NIBAN1: variants seen among roughly 807,000 people sequenced by gnomAD.
The protein encoded by NIBAN1 is protein Niban 1.
Under a neutral mutation model 75.1 loss-of-function variants are expected in NIBAN1, and 81 were observed. The observed-to-expected ratio is 1.08, with a 90% CI of 0.90 to 1.30. The LOEUF (loss-of-function observed/expected upper bound fraction) is 1.30. Ranked by LOEUF, NIBAN1 falls within the 50% of genes most tolerant of loss-of-function variation. The probability of loss-of-function intolerance (pLI) is 0.00; values close to 1 mark genes in which losing one functional copy is unlikely to be tolerated. For synonymous variants in NIBAN1, 436 were observed against 424.8 expected, an observed-to-expected ratio of 1.03 and a Z score of -0.32; for missense variants, 1,133 against 1,128.1, an observed-to-expected ratio of 1.00 and a Z score of -0.06.
chr1:184,817,752 C>T (rs961356470), intron 9 of NIBAN1, among the ~76,000 whole-genome samples: 1 of 152,188 alleles, frequency 6.6e-6, no homozygotes, highest in East Asian at 1.9e-4. Flanking sequence ...AGAAGGACTC[C>T]TTTCTTATAT....
At chr1:184,929,945 G>A (rs1657779238) in intron 1 of NIBAN1, among the ~76,000 whole-genome samples, 1 of 152,200 alleles carries the variant, frequency 6.6e-6, no homozygotes, top group South Asian at 2.1e-4. Flanking sequence ...AGCCCTCTTA[G>A]ACAGTAACAA....
At chr1:184,796,394 T>A (rs1422006332) in intron 13 of NIBAN1, among the ~76,000 whole-genome samples, 2 of 152,216 alleles carry the variant, frequency 1.3e-5, no homozygotes, top group Non-Finnish European at 2.9e-5. Flanking sequence ...GGGTCTGCAG[T>A]AGTGTCACCT....
chr1:184,828,054 T>C (rs955253355), intron 6 of NIBAN1, among the ~76,000 whole-genome samples: 1 of 150,444 alleles, frequency 6.6e-6, no homozygotes, highest in African/African-American at 2.4e-5. Flanking sequence ...ATAATAAATA[T>C]ATCACATAGC....
chr1:184,934,248 T>C (rs1393297901), intron 1 of NIBAN1, among the ~76,000 whole-genome samples: 1 of 152,100 alleles, frequency 6.6e-6, no homozygotes, highest in Non-Finnish European at 1.5e-5. Context: ...TATTCTTACT[T>C]ATAAGTGGGA....
intron 1 of NIBAN1, among the ~76,000 whole-genome samples, chr1:184,944,340 A>G (rs935369849): frequency 3.1e-4 from 47 of 152,220 alleles, no homozygotes; most frequent in African/African-American, 1.1e-3. Context: ...CCACACTGCT[A>G]GAAGACAGAG....
At chr1:184,858,151 GA>G (rs1655726327) in intron 5 of NIBAN1, among the ~76,000 whole-genome samples, 1 of 151,868 alleles carries the variant, frequency 6.6e-6, no homozygotes. Context: ...CATGAGCAAT[GA>G]ATTTGAGAAA....
At chr1:184,972,213 A>G (rs1344456720) in intron 1 of NIBAN1, among the ~76,000 whole-genome samples, 1 of 152,236 alleles carries the variant, frequency 6.6e-6, no homozygotes, top group Non-Finnish European at 1.5e-5. Context: ...ACTGATGGCT[A>G]CTTTATGAGA....
At chr1:184,917,396 T>C (rs1657417648) in intron 1 of NIBAN1, among the ~76,000 whole-genome samples, 2 of 115,536 alleles carry the variant, frequency 1.7e-5, no homozygotes, top group Middle Eastern at 4.8e-3. Context: ...TTTTTTTTAG[T>C]AGAGACGGGG....
intron 1 of NIBAN1, among the ~76,000 whole-genome samples, chr1:184,942,153 A>G (rs1658105718): frequency 6.6e-6 from 1 of 152,280 alleles, no homozygotes; most frequent in African/African-American, 2.4e-5. Flanking sequence ...ATTGATCTGA[A>G]GAATAATTTC....
Position 184,806,030 on chromosome 1 carries a change from A to C in NIBAN1, c.1362T>G (p.Phe454Leu). 1 of 1,614,172 alleles carries C rather than the reference A, an allele frequency of 6.2e-7. No individual in the cohort carries two copies. Among genetic ancestry groups the C allele is most frequent in the East Asian group, 2.2e-5 (1 of 44,886 alleles). Residue 454 changes from phenylalanine (F) to leucine (L), a missense_variant, in exon 11 of 14, where the codon TTT becomes TTG. Physicochemically the swap from Phe to Leu is conservative, Grantham distance 22. Coordinates refer to ENST00000367511, the MANE Select transcript of NIBAN1 (RefSeq NM_052966.4). ...QELMENAVFT[F>L]EQLLSPHLQG... is the part of the protein sequence containing the mutation. Reference sequence around the variant, plus strand: ...GGAGATGTGGGGAAAGCAACTGCTCAAAAGTGAACACTGCATTCTCCATTA... The same window carrying C: ...GGAGATGTGGGGAAAGCAACTGCTCCAAAGTGAACACTGCATTCTCCATTA...
At chr1:184,908,360 C>T (rs1478731092) in intron 1 of NIBAN1, among the ~76,000 whole-genome samples, 1 of 152,126 alleles carries the variant, frequency 6.6e-6, no homozygotes, top group Non-Finnish European at 1.5e-5. Flanking sequence ...AAATTAAGGT[C>T]CCATTGGCAC....
chr1:184,868,006 G>A (rs1029808211), intron 5 of NIBAN1: 1 of 985,334 alleles, frequency 1.0e-6, no homozygotes, highest in Non-Finnish European at 1.2e-6. Flanking sequence ...AGAAGTCTCA[G>A]TTCCTTTCTT....
intron 5 of NIBAN1, among the ~76,000 whole-genome samples, chr1:184,839,408 C>T (rs1655221477): frequency 1.3e-5 from 2 of 151,770 alleles, no homozygotes; most frequent in African/African-American, 4.8e-5. Context: ...TATAGAGATA[C>T]CCTATATACA....
chr1:184,807,535 C>A (rs1654239239), intron 10 of NIBAN1, among the ~76,000 whole-genome samples: 1 of 152,140 alleles, frequency 6.6e-6, no homozygotes. Context: ...TGCCTGTAAT[C>A]CCAGCACTTT....
At chr1:184,811,513 G>GTTTTTTTGT (rs1553215647) in intron 9 of NIBAN1, among the ~76,000 whole-genome samples, 3 of 139,046 alleles carry the variant, frequency 2.2e-5, no homozygotes, top group African/African-American at 8.1e-5. Context: ...TTTTTTTTTT[G>GTTTTTTTGT]TTTTTTTTTT....
chr1:184,970,267 G>C (rs1658902347), intron 1 of NIBAN1, among the ~76,000 whole-genome samples: 1 of 151,714 alleles, frequency 6.6e-6, no homozygotes, highest in Admixed American at 6.6e-5. Context: ...TCTCATCATA[G>C]TATATTGCCA....
chr1:184,905,696 C>T (rs980473856), intron 1 of NIBAN1, among the ~76,000 whole-genome samples: 1 of 152,182 alleles, frequency 6.6e-6, no homozygotes, highest in Non-Finnish European at 1.5e-5. Flanking sequence ...GAAGCAATCA[C>T]ACCTTCTTTG....
Position 184,818,782 on chromosome 1 carries a change from C to T in NIBAN1, c.1029G>A (p.Val343=). The T allele has an allele frequency of 1.9e-6, 3 of 1,609,746 alleles. No individual in the cohort carries two copies. Among genetic ancestry groups the T allele is most frequent in the Non-Finnish European group, 2.5e-6 (3 of 1,176,912 alleles). ...QPAEKSCLES[V]QPFLASILEE... ...CCAGGATGGATGCCAGGAATGGCTGCACACTCTCCAAGCAGCTTTTCTCCG... is the reference window on the plus strand; with the variant it reads ...CCAGGATGGATGCCAGGAATGGCTGTACACTCTCCAAGCAGCTTTTCTCCG... Residue 343 remains valine (V), a synonymous_variant, in exon 9 of 14, where the codon GTG becomes GTA. Transcript: ENST00000367511.
intron 1 of NIBAN1, among the ~76,000 whole-genome samples, chr1:184,953,063 T>C (rs1290999652): frequency 6.6e-6 from 1 of 152,230 alleles, no homozygotes; most frequent in African/African-American, 2.4e-5. Context: ...TCTTTGACTT[T>C]AGGTTGCAGA....
Sources: gnomAD v4.1 joint callset for allele counts (sites outside exome capture counted in the v4.1 genomes callset) on GRCh38, gnomAD v4.1.1 for gene constraint, MANE v1.5 for transcripts, NCBI Gene and HGNC (gene_info 2026-07-23, HGNC 2026-07-21) for gene names.